ABLIM2: variants seen among roughly 807,000 people sequenced by gnomAD.
ABLIM2 encodes the protein actin binding LIM protein family member 2.
A neutral mutation model predicts 97.7 loss-of-function variants in ABLIM2; 53 were observed. The observed-to-expected ratio is 0.54, with a 90% CI of 0.44 to 0.68. The LOEUF (loss-of-function observed/expected upper bound fraction) is 0.68, where lower values mean the gene tolerates loss of function less well. ABLIM2 is among the 30% of genes least tolerant of loss of function. The pLI, the probability that ABLIM2 is intolerant of heterozygous loss-of-function variation, is 0.00. For synonymous variants in ABLIM2, 361 were observed against 345.8 expected, an observed-to-expected ratio of 1.04 and a Z score of -0.49; for missense variants, 835 against 867.2, an observed-to-expected ratio of 0.96 and a Z score of 0.47.
Position 8,150,435 on chromosome 4 carries a change from C to A in ABLIM2, c.10+8245G>T, listed in dbSNP as rs1416012252. Among the ~76,000 whole-genome samples the A allele has an allele frequency of 6.6e-6, 1 of 152,194 alleles. No individual in the cohort carries two copies. The highest frequency in any genetic ancestry group is 1.5e-5 in the Non-Finnish European group (1 of 68,044). ...GGAGCCAGTACAAGGCCCCATCGTG[C>A]CCTGAGGACAGACGCCAGCGAGGAC... On this transcript the variant is annotated intron_variant, in intron 1 of 20. Coordinates refer to ENST00000447017, the MANE Select transcript of ABLIM2 (RefSeq NM_001130083.2). The surrounding 1 kb of genome is among the most constrained non-coding windows in gnomAD (Gnocchi z 6.3).
At chr4:7,995,629 C>T (rs1752749987) in intron 16 of ABLIM2, among the ~76,000 whole-genome samples, 1 of 152,208 alleles carries the variant, frequency 6.6e-6, no homozygotes, top group Non-Finnish European at 1.5e-5. Context: ...TTGTTTGCAA[C>T]ACGGTAGCCA....
intron 1 of ABLIM2, 103 bp downstream of exon 1, chr4:8,158,577 A>AT: frequency 1.4e-6 from 2 of 1,388,298 alleles, no homozygotes; most frequent in East Asian, 5.9e-5. Context: ...CCGCTGGGTG[A>AT]TTTTCCCCGG....
intron 7 of ABLIM2, among the ~76,000 whole-genome samples, chr4:8,056,074 T>A (rs1011663457): frequency 3.0e-4 from 37 of 124,448 alleles, no homozygotes; most frequent in Non-Finnish European, 3.8e-4. Flanking sequence ...GATTGCACCA[T>A]TGCATTCCAG....
chr4:8,090,126 C>A (rs62289375), intron 3 of ABLIM2, among the ~76,000 whole-genome samples: 1,896 of 152,302 alleles, frequency 0.012, 14 homozygotes, highest in Non-Finnish European at 0.019. Flanking sequence ...CCTCCCCTCC[C>A]ATCCACTGCC....
rs987470112 is a variant in ABLIM2 at position 8,147,714 on chromosome 4, C to T, written c.10+10966G>A. Among the ~76,000 whole-genome samples the T allele has an allele frequency of 5.3e-5, 8 of 152,202 alleles. No homozygotes were observed. Among genetic ancestry groups the T allele is most frequent in the Non-Finnish European group, 1.2e-4 (8 of 68,044 alleles). ...GAGGACTGAGCCTCCCCTGAGCCCCCGAGGGAGCTGCCAGCGCCGTTTAGC... is the reference window on the plus strand; with the variant it reads ...GAGGACTGAGCCTCCCCTGAGCCCCTGAGGGAGCTGCCAGCGCCGTTTAGC... On this transcript the variant is annotated intron_variant, in intron 1 of 20. Coordinates refer to ENST00000447017, the MANE Select transcript of ABLIM2 (RefSeq NM_001130083.2). The surrounding 1 kb of genome is among the most constrained non-coding windows in gnomAD (Gnocchi z 5.3).
chr4:8,080,010 T>C (rs1162956266), intron 5 of ABLIM2, among the ~76,000 whole-genome samples: 1 of 152,050 alleles, frequency 6.6e-6, no homozygotes, highest in Non-Finnish European at 1.5e-5. Flanking sequence ...CTGCCTCAGG[T>C]CCCCAATCCC....
chr4:8,158,450 C>A (rs1019647553), intron 1 of ABLIM2, among the ~76,000 whole-genome samples: 13 of 152,240 alleles, frequency 8.5e-5, no homozygotes, highest in African/African-American at 2.9e-4. Flanking sequence ...CGCCGGCCGG[C>A]GCGCTGGGAA....
intron 14 of ABLIM2, among the ~76,000 whole-genome samples, chr4:8,017,934 A>C (rs1232614263): frequency 6.6e-6 from 1 of 152,014 alleles, no homozygotes; most frequent in Non-Finnish European, 1.5e-5. Flanking sequence ...CGGAGGTTGC[A>C]GTAAGCCAAG....
rs550657748 is a variant in ABLIM2, at chr4:8,124,153, A to G, written c.11-17516T>C. ...CCTAGAATAATTCATCTATCTTCTC[A>G]TAAGGCAGCACCTCGATGTGCTTTC... On this transcript the variant is annotated intron_variant, in intron 1 of 20. Coordinates refer to ENST00000447017, the MANE Select transcript of ABLIM2 (RefSeq NM_001130083.2). The surrounding 1 kb of genome is among the most constrained non-coding windows in gnomAD (Gnocchi z 6.1). 2.6e-5 allele frequency among the ~76,000 whole-genome samples: 4 copies of G among 152,320 alleles called. No homozygotes were observed. In the East Asian group the frequency reaches 7.7e-4, roughly 29 times the overall value.
At chr4:8,059,575 G>A (rs1801528841) in intron 7 of ABLIM2, among the ~76,000 whole-genome samples, 1 of 152,024 alleles carries the variant, frequency 6.6e-6, no homozygotes. Flanking sequence ...TTTGTTGTAG[G>A]GGATGCCGTT....
At chr4:8,152,092 A>G (rs1713073460) in intron 1 of ABLIM2, among the ~76,000 whole-genome samples, 1 of 152,276 alleles carries the variant, frequency 6.6e-6, no homozygotes, top group South Asian at 2.1e-4. Flanking sequence ...CCAGGCGAGA[A>G]GATGGGCTGT....
Position 7,996,728 on chromosome 4 carries a change from C to G in ABLIM2, c.1619-3801G>C, listed in dbSNP as rs1753574424. Among the ~76,000 whole-genome samples the G allele has an allele frequency of 6.6e-6, 1 of 152,158 alleles. No homozygotes were observed. Among genetic ancestry groups the G allele is most frequent in the Non-Finnish European group, 1.5e-5 (1 of 68,032 alleles). The stretch of plus-strand genomic sequence containing the variant: ...TTTCCTTTCTGTTTGGAGAAGATTC[C>G]TTACGGGTAGCTCTGCAGGATATCT... On this transcript the variant is annotated intron_variant, in intron 16 of 20. Coordinates refer to ENST00000447017, the MANE Select transcript of ABLIM2 (RefSeq NM_001130083.2). The surrounding 1 kb of genome is among the most constrained non-coding windows in gnomAD (Gnocchi z 4.5).
At position 8,095,235 on chromosome 4, in the gene ABLIM2, C is replaced by T. The variant is rs1391516685; in HGVS notation, c.338+1864G>A. ...CCTCCCATCTCAGCCTCTCACATAG[C>T]TGGGACTACAGGCATGCACCACCAT... On this transcript the variant is annotated intron_variant, in intron 3 of 20. Transcript: ENST00000447017. The surrounding 1 kb of genome is among the most constrained non-coding windows in gnomAD (Gnocchi z 4.7). Among the ~76,000 whole-genome samples, 1 of 152,078 alleles carries T rather than the reference C, an allele frequency of 6.6e-6. No homozygotes were observed. The highest frequency in any genetic ancestry group is 6.5e-5 in the Admixed American group (1 of 15,270).
intron 16 of ABLIM2, 183 bp downstream of exon 16, chr4:8,007,876 G>C (rs1762442523): frequency 7.1e-7 from 1 of 1,403,210 alleles, no homozygotes; most frequent in Non-Finnish European, 9.2e-7. Context: ...CAGTTCTTGG[G>C]AAGCCGGCAA....
rs1303174561 is a variant in ABLIM2, at chr4:8,083,288, T to C, written c.455-2486A>G. On this transcript the variant is annotated intron_variant, in intron 4 of 20. Transcript: ENST00000447017. The surrounding 1 kb of genome is among the most constrained non-coding windows in gnomAD (Gnocchi z 4.6). Reference sequence around the variant, plus strand: ...ACCTGGGGAAGTCACTTCACCTCTCTGTGCCCCTGGAATGAGGGCACGTGT... The same window carrying C: ...ACCTGGGGAAGTCACTTCACCTCTCCGTGCCCCTGGAATGAGGGCACGTGT... Among the ~76,000 whole-genome samples, 1 of 152,190 alleles carries C rather than the reference T, an allele frequency of 6.6e-6. No homozygotes were observed. Among genetic ancestry groups the C allele is most frequent in the African/African-American group, 2.4e-5 (1 of 41,450 alleles).
intron 1 of ABLIM2, among the ~76,000 whole-genome samples, chr4:8,142,994 T>C (rs901517077): frequency 1.3e-5 from 2 of 152,112 alleles, no homozygotes; most frequent in African/African-American, 2.4e-5. Context: ...CTCAGCCAGC[T>C]TCCCTCCCCT....
intron 1 of ABLIM2, among the ~76,000 whole-genome samples, chr4:8,107,722 C>T (rs1212691649): frequency 1.3e-5 from 2 of 152,194 alleles, no homozygotes; most frequent in Non-Finnish European, 2.9e-5. Context: ...CTTTCTAATC[C>T]CCGGAACCTG....
At chr4:8,129,820 C>T (rs1051590708) in intron 1 of ABLIM2, among the ~76,000 whole-genome samples, 24 of 152,092 alleles carry the variant, frequency 1.6e-4, no homozygotes, top group Admixed American at 1.4e-3. Context: ...TAATGATCAC[C>T]GGCCACCCCC....
Position 8,022,712 on chromosome 4 carries a change from T to C in ABLIM2, c.1268-2409A>G, listed in dbSNP as rs531171788. 96 of 152,682 alleles carry C rather than the reference T, an allele frequency of 6.3e-4. No individual in the cohort carries two copies. Among genetic ancestry groups the C allele is most frequent in the Non-Finnish European group, 1.1e-3 (77 of 68,424 alleles). 9.5% of individuals were successfully genotyped at this position (152,682 alleles called of 1,614,324 possible). ...CCTCTCCCTCCTCTGCACTCATGCC[T>C]GCCTGCTGCCTGTGAGGCTTCGTTG... On this transcript the variant is annotated intron_variant, in intron 12 of 20. Transcript: ENST00000447017. The surrounding 1 kb of genome is among the most constrained non-coding windows in gnomAD (Gnocchi z 7.8).
Sources: gnomAD v4.1 joint callset for allele counts (sites outside exome capture counted in the v4.1 genomes callset) on GRCh38, gnomAD v4.1.1 for gene constraint, Gnocchi (gnomAD v3.1) non-coding constraint, MANE v1.5 for transcripts, NCBI Gene and HGNC (gene_info 2026-07-23, HGNC 2026-07-21) for gene names.